Variants in ARHGEF10L observed in about 807,000 individuals in gnomAD.
ARHGEF10L encodes the protein rho guanine nucleotide exchange factor 10-like protein.
A neutral mutation model predicts 141.2 loss-of-function variants in ARHGEF10L; 69 were observed. That is an observed-to-expected ratio of 0.49 (90% CI 0.40 to 0.60). The LOEUF is 0.60. ARHGEF10L is among the 20% of genes least tolerant of loss of function. The probability of loss-of-function intolerance (pLI) is 0.00; values close to 1 mark genes in which losing one functional copy is unlikely to be tolerated. For synonymous variants in ARHGEF10L, 711 were observed against 718.5 expected, an observed-to-expected ratio of 0.99 and a Z score of 0.17; for missense variants, 1,482 against 1,734.3, an observed-to-expected ratio of 0.85 and a Z score of 2.58.
At chr1:17,561,520 C>A (rs753202329) in intron 1 of ARHGEF10L, among the ~76,000 whole-genome samples, 31 of 152,220 alleles carry the variant, frequency 2.0e-4, no homozygotes, top group Admixed American at 2.6e-4. Flanking sequence ...AGAGGGGGAG[C>A]CTCACAAACC....
Position 17,607,891 on chromosome 1 carries a change from G to C in ARHGEF10L, c.523G>C (p.Glu175Gln). Residue 175 changes from glutamate (E) to glutamine (Q), a missense_variant, in exon 7 of 29, where the codon GAG (glutamate) becomes CAG (glutamine). Glu to Gln is a conservative substitution (Grantham distance 29, BLOSUM62 2). Coordinates refer to ENST00000361221, the MANE Select transcript of ARHGEF10L (RefSeq NM_018125.4). This position sits in a 1 kb window ranked among gnomAD's most constrained non-coding sequence, Gnocchi z 4.5. ...CCTAGGCTGGAGCTCCAGTGAGTTC[G>C]AGAGCTACAGCGAGGACTCGGGGGA... ...EDLGWSSSEF[E>Q]SYSEDSGEEA... The C allele has an allele frequency of 6.4e-7, 1 of 1,568,600 alleles. No homozygotes were observed.
chr1:17,629,325 C>T (rs747006293), intron 15 of ARHGEF10L, among the ~76,000 whole-genome samples: 1 of 152,166 alleles, frequency 6.6e-6, no homozygotes, highest in Admixed American at 6.5e-5. Context: ...CGGTGCCCGG[C>T]CCACACAGTA....
intron 15 of ARHGEF10L, among the ~76,000 whole-genome samples, chr1:17,631,424 G>A (rs1233350503): frequency 2.0e-5 from 3 of 152,220 alleles, no homozygotes; most frequent in African/African-American, 7.2e-5. Context: ...TGTCCTCAGA[G>A]GGTGGTGTTA....
intron 21 of ARHGEF10L, among the ~76,000 whole-genome samples, chr1:17,640,703 C>T (rs957877208): frequency 4.6e-5 from 7 of 152,134 alleles, no homozygotes; most frequent in Non-Finnish European, 8.8e-5. Flanking sequence ...AAATCAGTGG[C>T]GTGTGCACTT....
At chr1:17,586,300 A>G (rs535370891) in intron 2 of ARHGEF10L, among the ~76,000 whole-genome samples, 5 of 152,322 alleles carry the variant, frequency 3.3e-5, no homozygotes, top group South Asian at 2.1e-4. Flanking sequence ...GCTCAGAACC[A>G]CACAGCTAGC....
At chr1:17,562,943 C>G (rs2077600606) in intron 1 of ARHGEF10L, among the ~76,000 whole-genome samples, 1 of 152,102 alleles carries the variant, frequency 6.6e-6, no homozygotes, top group African/African-American at 2.4e-5. Flanking sequence ...ATGGGACCAT[C>G]TGACCAGGGC....
chr1:17,551,885 A>AGCG (rs1414270552), intron 1 of ARHGEF10L, among the ~76,000 whole-genome samples: 1 of 152,098 alleles, frequency 6.6e-6, no homozygotes, highest in Non-Finnish European at 1.5e-5. Context: ...AACCCCAGGG[A>AGCG]GCGGCTCACT....
chr1:17,664,364 G>C, intron 25 of ARHGEF10L, 83 bp from the exon 26 acceptor site: 1 of 1,474,954 alleles, frequency 6.8e-7, no homozygotes, highest in Non-Finnish European at 9.1e-7. Context: ...GGGCCCTGCT[G>C]AGCCCCCTGC....
At chr1:17,696,051 T>A (rs1043539848) in intron 28 of ARHGEF10L, among the ~76,000 whole-genome samples, 5 of 151,496 alleles carry the variant, frequency 3.3e-5, no homozygotes, top group East Asian at 1.9e-4. Flanking sequence ...TAAAAAAAAA[T>A]AAAAATAAAA....
chr1:17,555,077 A>G (rs975375937), intron 1 of ARHGEF10L, among the ~76,000 whole-genome samples: 2 of 152,190 alleles, frequency 1.3e-5, no homozygotes, highest in African/African-American at 4.8e-5. Flanking sequence ...TCCTAGGTGG[A>G]TGACTCTGGG....
At chr1:17,632,797 G>A (rs559808646) in intron 16 of ARHGEF10L, among the ~76,000 whole-genome samples, 1 of 152,172 alleles carries the variant, frequency 6.6e-6, no homozygotes, top group Non-Finnish European at 1.5e-5. Context: ...GTCTACCCCA[G>A]ATCCCTGCGG....
intron 1 of ARHGEF10L, among the ~76,000 whole-genome samples, chr1:17,577,138 A>G (rs2078255760): frequency 6.6e-6 from 1 of 152,196 alleles, no homozygotes; most frequent in Admixed American, 6.5e-5. Flanking sequence ...TCCACCTCCC[A>G]GGTTCAAGTG....
chr1:17,546,641 C>T (rs1439949619), intron 1 of ARHGEF10L, among the ~76,000 whole-genome samples: 1 of 152,122 alleles, frequency 6.6e-6, no homozygotes, highest in East Asian at 1.9e-4. Context: ...GGGAGAGATT[C>T]ATCACATGCC....
chr1:17,649,967 C>A (rs183620386), intron 22 of ARHGEF10L, among the ~76,000 whole-genome samples: 1 of 152,168 alleles, frequency 6.6e-6, no homozygotes, highest in Non-Finnish European at 1.5e-5. Context: ...GCCAGCCTTG[C>A]AGGCTGGGTC....
chr1:17,531,888 G>A, the ARHGEF10L span, among the ~76,000 whole-genome samples: 6,608 of 152,226 alleles, frequency 0.043, 186 homozygotes, highest in Middle Eastern at 0.092. Flanking sequence ...GAGCCTCCCC[G>A]CCCTGGGCAG....
At chr1:17,524,969 C>T in the ARHGEF10L span, among the ~76,000 whole-genome samples, 1 of 152,186 alleles carries the variant, frequency 6.6e-6, no homozygotes, top group Non-Finnish European at 1.5e-5. Flanking sequence ...GGCCTGCTCC[C>T]ATTTTTTCCT....
At chr1:17,523,670 C>T in the ARHGEF10L span, among the ~76,000 whole-genome samples, 1 of 152,186 alleles carries the variant, frequency 6.6e-6, no homozygotes, top group Admixed American at 6.5e-5. Context: ...TTGGCTGAAT[C>T]CTGATTTCCT....
At chr1:17,696,748 C>A (rs74550464) in intron 28 of ARHGEF10L, 100 bp from the exon 29 acceptor site, 2 of 1,303,506 alleles carry the variant, frequency 1.5e-6, no homozygotes, top group Non-Finnish European at 2.1e-6. Flanking sequence ...GTGACCCCCC[C>A]AAATACCCAC....
In ARHGEF10L at chr1:17,654,679, G is replaced by A; in HGVS notation, c.2438G>A (p.Gly813Asp). 2 of 1,614,216 alleles carry A rather than the reference G, an allele frequency of 1.2e-6. No individual in the cohort carries two copies. The highest frequency in any genetic ancestry group is 1.7e-6 in the Non-Finnish European group (2 of 1,180,046). ...VHSPVNCPLLGFSAVSTSLPQ... is the reference protein window; with the variant it reads ...VHSPVNCPLLDFSAVSTSLPQ... ...AGTCCTGTCAACTGTCCCCTGCTGG[G>A]TTTCTCAGCAGTCAGCACCTCCCTT... The change falls in exon 23 of 29, where the codon GGT becomes GAT. Residue 813 changes from glycine (G) to aspartate (D), a missense_variant. Transcript: ENST00000361221. This position sits in a 1 kb window ranked among gnomAD's most constrained non-coding sequence, Gnocchi z 4.3.
Sources: allele counts gnomAD v4.1 joint callset (sites outside exome capture counted in the v4.1 genomes callset), GRCh38; gene constraint gnomAD v4.1.1; non-coding constraint Gnocchi (gnomAD v3.1); transcripts MANE v1.5; gene names NCBI Gene and HGNC (gene_info 2026-07-23, HGNC 2026-07-21).